Variants in SLC15A3 observed in about 807,000 individuals in gnomAD.
SLC15A3 encodes solute carrier family 15 member 3.
Under a neutral mutation model 49.2 loss-of-function variants are expected in SLC15A3, and 39 were observed. The observed-to-expected ratio is 0.79, with a 90% CI of 0.61 to 1.04. The LOEUF (loss-of-function observed/expected upper bound fraction) is 1.04. Ranked by LOEUF, SLC15A3 falls within the 50% of genes least tolerant of loss-of-function variation. The pLI, the probability that SLC15A3 is intolerant of heterozygous loss-of-function variation, is 0.00. For missense variants in SLC15A3, 758 were observed against 794.8 expected (o/e 0.95, Z 0.56); for synonymous variants, 339 against 367.0 (o/e 0.92, Z 0.87).
chr11:60,947,249 G>T (rs555576315), intron 1 of SLC15A3, among the ~76,000 whole-genome samples: 2 of 151,696 alleles, frequency 1.3e-5, no homozygotes, highest in African/African-American at 4.9e-5. Flanking sequence ...GCACAATCTC[G>T]GCTCACTGCA....
rs10664684 is a variant in SLC15A3 at position 60,949,564 on chromosome 11, G to GAAAGAAAAGAAAAGA, written c.558+1429_558+1430insTCTTTTCTTTTCTTT. On this transcript the variant is annotated intron_variant, in intron 1 of 7. Transcript: ENST00000227880. ...AGAAAGAAAGAAAGAAAGAAAGAAA[G>GAAAGAAAAGAAAAGA]AAAGAAAAGAGATGGCCAGGGCTGG... Among the ~76,000 whole-genome samples the GAAAGAAAAGAAAAGA allele has an allele frequency of 7.8e-4, 92 of 118,014 alleles. 2 individuals are homozygous for GAAAGAAAAGAAAAGA. The highest frequency in any genetic ancestry group is 5.0e-3 in the East Asian group (19 of 3,782). The allele number at this position is 118,014 out of a possible 152,430, so 77.4% of individuals were successfully genotyped here.
intron 7 of SLC15A3, 111 bp downstream of exon 7, chr11:60,937,759 G>T (rs1856641566): frequency 2.3e-5 from 31 of 1,371,538 alleles, no homozygotes; most frequent in Non-Finnish European, 3.0e-5. Flanking sequence ...ATTCTCCCAA[G>T]TCTAGCCCTC....
intron 5 of SLC15A3, chr11:60,940,292 C>A (rs1208272930): frequency 6.6e-6 from 1 of 152,528 alleles, no homozygotes; most frequent in Non-Finnish European, 1.5e-5. Context: ...GACTCAGTTC[C>A]CTTACTCAAG....
intron 2 of SLC15A3, among the ~76,000 whole-genome samples, chr11:60,944,763 AG>A (rs1856777842): frequency 2.0e-5 from 3 of 152,168 alleles, no homozygotes; most frequent in African/African-American, 7.2e-5. Context: ...CTCCATGACA[AG>A]GCATAGAGAG....
chr11:60,949,454 A>T (rs1041724418), intron 1 of SLC15A3, among the ~76,000 whole-genome samples: 10 of 145,838 alleles, frequency 6.9e-5, no homozygotes, highest in African/African-American at 2.6e-4. Context: ...AAGAAAGAGA[A>T]AGAAAGAGAG....
rs139887333 is a variant in SLC15A3, at chr11:60,949,000, G to A, written c.558+1994C>T. Among the ~76,000 whole-genome samples, 596 of 152,282 alleles carry A rather than the reference G, an allele frequency of 3.9e-3. 2 individuals are homozygous for A. The highest frequency in any genetic ancestry group is 7.1e-3 in the Non-Finnish European group (483 of 68,016). The stretch of plus-strand genomic sequence containing the variant: ...TGAGAGATTCCCATTGACAAATATT[G>A]GGGGTCTCTAGGTCAGAAAGAATGT... On this transcript the variant is annotated intron_variant, in intron 1 of 7. Coordinates refer to ENST00000227880, the MANE Select transcript of SLC15A3 (RefSeq NM_016582.3).
chr11:60,941,922 G>C (rs975743786), intron 4 of SLC15A3, 113 bp downstream of exon 4: 9 of 1,022,208 alleles, frequency 8.8e-6, no homozygotes, highest in Non-Finnish European at 1.4e-5. Context: ...TGTATCCTGA[G>C]GTTGCCTTGC....
intron 1 of SLC15A3, among the ~76,000 whole-genome samples, chr11:60,949,998 T>C (rs981940306): frequency 4.6e-5 from 7 of 152,258 alleles, no homozygotes; most frequent in Admixed American, 3.9e-4. Context: ...TATCAAAATA[T>C]AGCCGTGTTG....
chr11:60,937,156 C>A lies in SLC15A3; in HGVS notation c.*63G>T. On this transcript the variant is annotated 3_prime_UTR_variant, in exon 8 of 8. Transcript: ENST00000227880. Reference sequence around the variant, plus strand: ...TAACAGAATAAACCGAGAAGGAAACCAGAGCTGGGACTGCTGCCGTCTGTC... The same window carrying A: ...TAACAGAATAAACCGAGAAGGAAACAAGAGCTGGGACTGCTGCCGTCTGTC... 6.4e-7 allele frequency: 1 copy of A among 1,560,372 alleles called. No homozygotes were observed. The highest frequency in any genetic ancestry group is 1.2e-5 in the South Asian group (1 of 85,072).
chr11:60,939,783 G>C (rs1218715926), intron 5 of SLC15A3, 145 bp from the exon 6 acceptor site: 3 of 914,424 alleles, frequency 3.3e-6, no homozygotes, highest in Non-Finnish European at 4.9e-6. Flanking sequence ...TGGACTGGGG[G>C]GTGGAGGAGG....
At chr11:60,937,541 C>T (rs1856638005) in intron 7 of SLC15A3, 168 bp from the exon 8 acceptor site, 3 of 878,680 alleles carry the variant, frequency 3.4e-6, no homozygotes, top group Admixed American at 2.1e-5. Flanking sequence ...TGAAGATCTC[C>T]AGGGGTGTCT....
chr11:60,946,791 G>A lies in SLC15A3; in HGVS notation c.589C>T (p.Arg197Cys), dbSNP rs528183979. The A allele has an allele frequency of 2.7e-4, 430 of 1,613,020 alleles. 4 individuals carry two copies. In the South Asian group the frequency reaches 4.2e-3, roughly 16 times the overall value. The change falls in exon 2 of 8, where the codon CGC (arginine) becomes TGC (cysteine). Residue 197 changes from arginine (R) to cysteine (C), a missense_variant. By Grantham distance (180) the Arg-to-Cys change is radical. Around this residue, in one of 3 missense-constraint regions of SLC15A3, gnomAD observed 699 missense variants for 706.7 expected, o/e 0.99. Coordinates refer to ENST00000227880, the MANE Select transcript of SLC15A3 (RefSeq NM_016582.3). ...CTCCAGTAAAACCAGTTGAAGAAGC[G>A]GCGGGTGGCGTCGCGGCCGAGATCC... is the stretch of plus-strand genomic sequence containing the variant. ...VMDLGRDATR[R>C]FFNWFYWSIN...
rs1368617992 is a variant in SLC15A3 at position 60,943,845 on chromosome 11, C to A, written c.849-9G>T. 1.3e-6 allele frequency: 2 copies of A among 1,534,256 alleles called. No individual in the cohort carries two copies. Among genetic ancestry groups the A allele is most frequent in the Non-Finnish European group, 1.8e-6 (2 of 1,134,216 alleles). On this transcript the variant is annotated splice_polypyrimidine_tract_variant and intron_variant, in intron 2 of 7. Transcript: ENST00000227880. ...GGGCACATTGACGGTCTCTGTGAGA[C>A]CCCAGAGGCAGCAGATAAAACAACA...
chr11:60,948,303 G>C (rs1856834078), intron 1 of SLC15A3, among the ~76,000 whole-genome samples: 1 of 152,134 alleles, frequency 6.6e-6, no homozygotes, highest in East Asian at 1.9e-4. Context: ...CCCATTAGAA[G>C]CAGCCACTTC....
In SLC15A3 at chr11:60,952,155, T is replaced by C. The variant is rs1037403234; in HGVS notation, c.-604A>G. On this transcript the variant is annotated 5_prime_UTR_variant, in exon 1 of 8. Transcript: ENST00000227880. ...CCCCCAGGCTCAGCCTCTGTCCCTC[T>C]CTCGGCTTCTTGAGAAACTCTGGGC... Among the ~76,000 whole-genome samples the C allele has an allele frequency of 6.6e-6, 1 of 151,084 alleles. No individual in the cohort carries two copies. Among genetic ancestry groups the C allele is most frequent in the African/African-American group, 2.4e-5 (1 of 40,854 alleles).
At position 60,951,171 on chromosome 11, in the gene SLC15A3, G is replaced by C; in HGVS notation, c.381C>G (p.Arg127=). The change falls in exon 1 of 8, where the codon CGC becomes CGG. Residue 127 remains arginine (R), a synonymous_variant. Transcript: ENST00000227880. ...CGGGCATCTCTCCGCAGAAGGAGCTGCGGCCGTCGGGGAAGGCGGTGGCGG... is the reference window on the plus strand; with the variant it reads ...CGGGCATCTCTCCGCAGAAGGAGCTCCGGCCGTCGGGGAAGGCGGTGGCGG... ...LLPATAFPDG[R]SSFCGEMPAS... 6.7e-7 allele frequency: 1 copy of C among 1,495,026 alleles called. No homozygotes were observed. Among genetic ancestry groups the C allele is most frequent in the Non-Finnish European group, 8.8e-7 (1 of 1,130,636 alleles). The allele number at this position is 1,495,026 out of a possible 1,614,324, so 92.6% of individuals were successfully genotyped here. A position where few individuals can be genotyped will look rare whatever the true frequency, so the allele number is the denominator to read the frequency against.
rs116288977 is a variant in SLC15A3 at position 60,952,090 on chromosome 11, C to T, written c.-539G>A. ...CCACCTCCTCCCTGTCCCCCTCACC[C>T]CCACTGCCTACACTCCCCTCTCAGT... On this transcript the variant is annotated 5_prime_UTR_variant, in exon 1 of 8. Coordinates refer to ENST00000227880, the MANE Select transcript of SLC15A3 (RefSeq NM_016582.3). 6.6e-6 allele frequency among the ~76,000 whole-genome samples: 1 copy of T among 151,900 alleles called. No homozygotes were observed. The highest frequency in any genetic ancestry group is 2.4e-5 in the African/African-American group (1 of 41,282).
In SLC15A3 at chr11:60,943,886, G is replaced by C. The variant is rs754826879; in HGVS notation, c.849-50C>G. 18 of 1,433,542 alleles carry C rather than the reference G, an allele frequency of 1.3e-5. No individual in the cohort carries two copies. In the Admixed American group the frequency reaches 3.2e-4, roughly 26 times the overall value. 88.8% of individuals were successfully genotyped at this position (1,433,542 alleles called of 1,614,324 possible). A position where few individuals can be genotyped will look rare whatever the true frequency, so the allele number is the denominator to read the frequency against. ...TAAAACAACAGTCAAGGCTGGGCTT[G>C]GTGGCTTATGCCTGTAATCCCAGCA... On this transcript the variant is annotated intron_variant, in intron 2 of 7. Coordinates refer to ENST00000227880, the MANE Select transcript of SLC15A3 (RefSeq NM_016582.3).
At chr11:60,941,437 AC>A (rs753181726) in intron 4 of SLC15A3, 147 bp from the exon 5 acceptor site, 21 of 747,860 alleles carry the variant, frequency 2.8e-5, no homozygotes, top group Non-Finnish European at 4.0e-5. Context: ...CAGCTGTGTA[AC>A]CAGGGAGTGG....
Sources: gnomAD v4.1 joint callset for allele counts (sites outside exome capture counted in the v4.1 genomes callset) on GRCh38, gnomAD v4.1.1 for gene constraint, gnomAD v4.1.1 regional missense constraint, MANE v1.5 for transcripts, NCBI Gene and HGNC (gene_info 2026-07-23, HGNC 2026-07-21) for gene names.